Variants in ELF1 observed in about 807,000 individuals in gnomAD.
ELF1 encodes E74 like ETS transcription factor 1, also known as ETS-related transcription factor Elf-1.
In ELF1, 24 loss-of-function variants were observed where a neutral mutation model predicts 59.9. The ratio of observed to expected loss-of-function variants is 0.40; its 90% CI spans 0.29 to 0.56. ELF1 has a LOEUF of 0.56. ELF1 is among the 20% of genes least tolerant of loss of function. The pLI, the probability that ELF1 is intolerant of heterozygous loss-of-function variation, is 0.44. For synonymous variants in ELF1, 248 were observed against 266.2 expected, an observed-to-expected ratio of 0.93 and a Z score of 0.67; for missense variants, 627 against 742.2, an observed-to-expected ratio of 0.84 and a Z score of 1.80.
chr13:40,983,740 T>C (rs771643414), intron 1 of ELF1, among the ~76,000 whole-genome samples: 1 of 152,306 alleles, frequency 6.6e-6, no homozygotes, highest in Middle Eastern at 3.4e-3. Context: ...ACATTTGGCC[T>C]TGTACTTATT....
chr13:40,988,730 A>G (rs1873683957), intron 1 of ELF1, among the ~76,000 whole-genome samples: 1 of 152,252 alleles, frequency 6.6e-6, no homozygotes, highest in African/African-American at 2.4e-5. Flanking sequence ...AAGCCTTTTT[A>G]GAAGGCTACC....
At chr13:41,001,578 T>A (rs992680812) in intron 1 of ELF1, among the ~76,000 whole-genome samples, 1 of 152,172 alleles carries the variant, frequency 6.6e-6, no homozygotes, top group Non-Finnish European at 1.5e-5. Context: ...AGAACAGACA[T>A]ACAACGTGAG....
intron 1 of ELF1, among the ~76,000 whole-genome samples, chr13:41,031,160 A>G (rs1388499278): frequency 6.6e-6 from 1 of 151,510 alleles, no homozygotes; most frequent in Non-Finnish European, 1.5e-5. Flanking sequence ...CCCTATTAAA[A>G]AAAAAAAAAA....
chr13:40,987,831 T>G (rs1873640872), intron 1 of ELF1, among the ~76,000 whole-genome samples: 2 of 152,016 alleles, frequency 1.3e-5, no homozygotes, highest in Admixed American at 1.3e-4. Flanking sequence ...ACCAAGTAAC[T>G]GAACAGAAAG....
At chr13:40,959,044 A>C in intron 2 of ELF1, 28 bp from the exon 3 acceptor site, 1 of 1,566,808 alleles carries the variant, frequency 6.4e-7, no homozygotes, top group Non-Finnish European at 8.6e-7. Flanking sequence ...GAGGAAAATG[A>C]AAACAAAGGA....
At chr13:40,977,327 T>C (rs1424737526) in intron 2 of ELF1, among the ~76,000 whole-genome samples, 1 of 152,136 alleles carries the variant, frequency 6.6e-6, no homozygotes, top group Admixed American at 6.5e-5. Context: ...TGCTCTCCCA[T>C]AGAAGTGCTT....
intron 1 of ELF1, among the ~76,000 whole-genome samples, chr13:41,056,867 C>A (rs981772346): frequency 6.6e-6 from 1 of 152,008 alleles, no homozygotes; most frequent in African/African-American, 2.4e-5. Context: ...ATGTGCAGAG[C>A]TACAGGGGGA....
intron 1 of ELF1, among the ~76,000 whole-genome samples, chr13:41,049,702 T>G (rs1436376225): frequency 6.6e-6 from 1 of 152,188 alleles, no homozygotes; most frequent in Non-Finnish European, 1.5e-5. Flanking sequence ...GGCTTAGTCA[T>G]CCTTTGGATC....
chr13:40,933,523 G>C lies in ELF1; in HGVS notation c.1762C>G (p.Gln588Glu), dbSNP rs775255614. Residue 588 changes from glutamine to glutamate, a missense_variant, in exon 9 of 9, where the codon CAG (glutamine) becomes GAG (glutamate). Around this residue, in one of 3 missense-constraint regions of ELF1, gnomAD observed 361 missense variants for 396.1 expected, o/e 0.91. Coordinates refer to ENST00000239882, the MANE Select transcript of ELF1 (RefSeq NM_172373.4). ...LKENTEKTEQ[Q>E]PQPYVMVVSS... ...ACTACCATCACATAAGGCTGTGGCT[G>C]CTGCTCCGTTTTCTCAGTGTTCTCT... 1.7e-5 allele frequency: 27 copies of C among 1,614,242 alleles called. No individual in the cohort carries two copies. In the South Asian group the frequency reaches 2.7e-4, roughly 16 times the overall value.
chr13:40,936,986 T>A (rs1869829193), intron 8 of ELF1, among the ~76,000 whole-genome samples: 1 of 152,104 alleles, frequency 6.6e-6, no homozygotes, highest in Non-Finnish European at 1.5e-5. Context: ...GACACCTGAC[T>A]GCCATCTGTC....
At chr13:40,950,921 G>A (rs539655122) in intron 4 of ELF1, among the ~76,000 whole-genome samples, 40 of 152,190 alleles carry the variant, frequency 2.6e-4, no homozygotes, top group Non-Finnish European at 4.9e-4. Flanking sequence ...GAATTTTAAA[G>A]CAGATCAATA....
At chr13:40,975,794 T>A (rs1452924417) in intron 2 of ELF1, among the ~76,000 whole-genome samples, 1 of 152,154 alleles carries the variant, frequency 6.6e-6, no homozygotes, top group Non-Finnish European at 1.5e-5. Flanking sequence ...TCCCAGATCA[T>A]CTAGCAACAG....
intron 1 of ELF1, among the ~76,000 whole-genome samples, chr13:41,008,360 A>G (rs1874866527): frequency 6.6e-6 from 1 of 152,200 alleles, no homozygotes; most frequent in Non-Finnish European, 1.5e-5. Flanking sequence ...AAGGAAAACA[A>G]CTAACAGCAA....
At chr13:41,060,504 G>T (rs921869996) in intron 1 of ELF1, among the ~76,000 whole-genome samples, 13 of 152,160 alleles carry the variant, frequency 8.5e-5, no homozygotes, top group African/African-American at 1.9e-4. Context: ...CACCAGCCCC[G>T]TGAGCCGGAG....
chr13:41,059,994 TAAAGGGAAAG>T (rs1269231375), intron 1 of ELF1, among the ~76,000 whole-genome samples: 1 of 152,240 alleles, frequency 6.6e-6, no homozygotes, highest in African/African-American at 2.4e-5. Flanking sequence ...TGTGTATTTT[TAAAGGGAAAG>T]AAAAAAGATT....
intron 2 of ELF1, among the ~76,000 whole-genome samples, chr13:40,961,506 C>A (rs1317762719): frequency 6.6e-6 from 1 of 152,050 alleles, no homozygotes; most frequent in East Asian, 1.9e-4. Context: ...GTGCTACAAT[C>A]CCATCTGTGA....
intron 1 of ELF1, among the ~76,000 whole-genome samples, chr13:41,006,876 TGTATA>T (rs1269629692): frequency 6.6e-6 from 1 of 152,210 alleles, no homozygotes; most frequent in African/African-American, 2.4e-5. Context: ...ACGTACATTT[TGTATA>T]GTATATTTTA....
chr13:41,039,461 A>C (rs994244727), intron 1 of ELF1, among the ~76,000 whole-genome samples: 13 of 152,098 alleles, frequency 8.5e-5, no homozygotes, highest in Admixed American at 2.6e-4. Context: ...AAAACTAGAA[A>C]TCTTAGGCAA....
At chr13:40,959,472 G>A (rs939989656) in intron 2 of ELF1, among the ~76,000 whole-genome samples, 2 of 152,032 alleles carry the variant, frequency 1.3e-5, no homozygotes, top group Non-Finnish European at 1.5e-5. Context: ...CTCCAGCCTG[G>A]GTGACAGAGT....
Sources: gnomAD v4.1 joint callset for allele counts (sites outside exome capture counted in the v4.1 genomes callset) on GRCh38, gnomAD v4.1.1 for gene constraint, gnomAD v4.1.1 regional missense constraint, MANE v1.5 for transcripts, NCBI Gene and HGNC (gene_info 2026-07-23, HGNC 2026-07-21) for gene names.